OTOGL: variants seen among roughly 807,000 people sequenced by gnomAD.
OTOGL encodes the protein otogelin-like protein.
In OTOGL, 285 loss-of-function variants were observed where a neutral mutation model predicts 318.5. That is an observed-to-expected ratio of 0.89 (90% CI 0.81 to 0.99). The LOEUF is 0.99. Among genes scored for constraint, OTOGL ranks in the 50% least tolerant of loss-of-function variants. The pLI is 0.00. For missense variants in OTOGL, 2,899 were observed against 2,845.6 expected (o/e 1.02, Z -0.43); for synonymous variants, 987 against 936.5 (o/e 1.05, Z -0.99).
At chr12:80,130,245 C>T (rs886730243) in intron 1 of OTOGL, among the ~76,000 whole-genome samples, 1 of 152,186 alleles carries the variant, frequency 6.6e-6, no homozygotes. Flanking sequence ...GTTGGGAATG[C>T]ATCTCTTCTG....
chr12:80,229,261 A>G lies in OTOGL; in HGVS notation c.494A>G (p.His165Arg). Reference protein sequence around the residue: ...DLEPRYTVWVHNSPKCLGSVY... With the variant: ...DLEPRYTVWVRNSPKCLGSVY... The stretch of plus-strand genomic sequence containing the variant: ...TTTTGTTTTTCTCCCTTTAAGGTTC[A>G]TAACAGCCCTAAATGCCTTGGTTCG... The change falls in exon 8 of 59, where the codon CAT becomes CGT. Residue 165 changes from histidine to arginine, a missense_variant. His to Arg is a conservative substitution (Grantham distance 29, BLOSUM62 0). This residue lies in a region of OTOGL where 2,607 missense variants were observed against 2,524.9 expected (regional missense o/e 1.03). Coordinates refer to ENST00000547103, the MANE Select transcript of OTOGL (RefSeq NM_001378609.3). 4 of 1,597,732 alleles carry G rather than the reference A, an allele frequency of 2.5e-6. No homozygotes were observed. Among genetic ancestry groups the G allele is most frequent in the East Asian group, 2.2e-5 (1 of 44,854 alleles).
chr12:80,205,049 C>T (rs1876718333), intron 1 of OTOGL, among the ~76,000 whole-genome samples: 4 of 152,142 alleles, frequency 2.6e-5, no homozygotes, highest in Admixed American at 2.0e-4. Flanking sequence ...AGATTAGAAC[C>T]ACCCCTACTG....
At chr12:80,313,387 C>A in intron 30 of OTOGL, 89 bp from the exon 31 acceptor site, 1 of 1,317,552 alleles carries the variant, frequency 7.6e-7, no homozygotes, top group Non-Finnish European at 1.1e-6. Flanking sequence ...TAATATCAAA[C>A]TTTGAAAACA....
intron 4 of OTOGL, among the ~76,000 whole-genome samples, chr12:80,214,765 A>C (rs1466885438): frequency 6.6e-6 from 1 of 152,216 alleles, no homozygotes; most frequent in Non-Finnish European, 1.5e-5. Flanking sequence ...AGGTAGGCTT[A>C]TGAAGAAGTC....
intron 1 of OTOGL, among the ~76,000 whole-genome samples, chr12:80,127,994 T>A (rs1352842284): frequency 1.3e-5 from 2 of 152,192 alleles, no homozygotes; most frequent in Non-Finnish European, 2.9e-5. Context: ...AACTTCCTCC[T>A]TTAGCTTGGA....
chr12:80,161,782 G>T (rs529007207), intron 1 of OTOGL, among the ~76,000 whole-genome samples: 1 of 152,208 alleles, frequency 6.6e-6, no homozygotes, highest in African/African-American at 2.4e-5. Context: ...ATCTGGAAAT[G>T]ATGGAATGTT....
intron 1 of OTOGL, among the ~76,000 whole-genome samples, chr12:80,143,978 C>T (rs1230558133): frequency 6.6e-6 from 1 of 151,520 alleles, no homozygotes. Flanking sequence ...CTTATTTGGC[C>T]AGAGAGATAT....
chr12:80,363,286 G>C (rs1890340143), intron 52 of OTOGL, among the ~76,000 whole-genome samples: 1 of 152,148 alleles, frequency 6.6e-6, no homozygotes, highest in Non-Finnish European at 1.5e-5. Context: ...AATTTTATAT[G>C]ATAGGAGATG....
At chr12:80,281,174 G>T (rs1884207643) in intron 26 of OTOGL, among the ~76,000 whole-genome samples, 1 of 151,500 alleles carries the variant, frequency 6.6e-6, no homozygotes, top group Admixed American at 6.6e-5. Flanking sequence ...TTCCTATTTG[G>T]ATGCCTTTTA....
At chr12:80,236,070 A>G (rs1240318362) in intron 9 of OTOGL, among the ~76,000 whole-genome samples, 1 of 152,170 alleles carries the variant, frequency 6.6e-6, no homozygotes, top group Non-Finnish European at 1.5e-5. Flanking sequence ...TAGTTTCTTA[A>G]TGGTGATTAA....
rs1290823866 is a variant in OTOGL, at chr12:80,367,720, G to C, written c.6491G>C (p.Cys2164Ser). The change falls in exon 54 of 59, where the codon TGT becomes TCT. Residue 2164 changes from cysteine (C) to serine (S), a missense_variant. Physicochemically the swap from Cys to Ser is moderately radical, Grantham distance 112. Coordinates refer to ENST00000547103, the MANE Select transcript of OTOGL (RefSeq NM_001378609.3). ...ACTCTGAATTTTACACTGGTGAATTGTTCAAAAAAATGTGATGTTGTAAGT... is the reference window on the plus strand; with the variant it reads ...ACTCTGAATTTTACACTGGTGAATTCTTCAAAAAAATGTGATGTTGTAAGT... ...FHTLNFTLVN[C>S]SKKCDVHQVY... is the part of the protein sequence containing the mutation. 1.4e-6 allele frequency: 2 copies of C among 1,422,206 alleles called. No individual in the cohort carries two copies. 88.1% of individuals were successfully genotyped at this position (1,422,206 alleles called of 1,614,324 possible).
chr12:80,225,830 T>A (rs535067057), intron 7 of OTOGL, among the ~76,000 whole-genome samples: 1 of 152,168 alleles, frequency 6.6e-6, no homozygotes, highest in Non-Finnish European at 1.5e-5. Flanking sequence ...TCAAAGGATA[T>A]GTTGATAAAC....
chr12:80,374,485 A>G (rs1367380096), intron 57 of OTOGL, among the ~76,000 whole-genome samples: 1 of 152,218 alleles, frequency 6.6e-6, no homozygotes, highest in Admixed American at 6.5e-5. Flanking sequence ...CTTTAATTAG[A>G]TACACACTGA....
intron 26 of OTOGL, among the ~76,000 whole-genome samples, chr12:80,287,140 T>G (rs1884693452): frequency 6.6e-6 from 1 of 151,036 alleles, no homozygotes; most frequent in African/African-American, 2.5e-5. Context: ...ATTTCTGTCT[T>G]AATTTAGTTA....
At position 80,377,897 on chromosome 12, in the gene OTOGL, A is replaced by G. The variant is rs772165865; in HGVS notation, c.6911A>G (p.Asn2304Ser). The change falls in exon 59 of 59, where the codon AAC (asparagine) becomes AGC (serine). Residue 2304 changes from asparagine to serine, a missense_variant. Around this residue, in one of 3 missense-constraint regions of OTOGL, gnomAD observed 289 missense variants for 304.6 expected, o/e 0.95. Coordinates refer to ENST00000547103, the MANE Select transcript of OTOGL (RefSeq NM_001378609.3). ...AAATGCCCATCAGCTACCATATATA[A>G]CATCAATATTGAAAGTCACCTAAGA... ...DGKCPSATIY[N>S]INIESHLRFC... is the part of the protein sequence containing the mutation. 1 of 1,611,844 alleles carries G rather than the reference A, an allele frequency of 6.2e-7. No individual in the cohort carries two copies. Among genetic ancestry groups the G allele is most frequent in the Non-Finnish European group, 8.5e-7 (1 of 1,178,656 alleles).
At position 80,367,560 on chromosome 12, in the gene OTOGL, GA is replaced by G. The variant is rs760481242; in HGVS notation, c.6335del (p.Lys2112ArgfsTer13). ...SDCGCIQYLC[E>X]KDDVCVFQEV... is the part of the protein sequence containing the mutation. Reference sequence around the variant, plus strand: ...TTATTGACTATGTTTTCTGTTCTTAGAAAAGGATGATGTGTGTGTATTTCAA... The same window carrying G: ...TTATTGACTATGTTTTCTGTTCTTAGAAAGGATGATGTGTGTGTATTTCAA... On this transcript the variant is annotated frameshift_variant and splice_region_variant, in exon 54 of 59. Transcript: ENST00000547103. LOFTEE classifies it high-confidence loss of function. 2 of 1,505,214 alleles carry G rather than the reference GA, an allele frequency of 1.3e-6. No individual in the cohort carries two copies. Among genetic ancestry groups the G allele is most frequent in the Non-Finnish European group, 9.0e-7 (1 of 1,112,672 alleles). 93.2% of individuals were successfully genotyped at this position (1,505,214 alleles called of 1,614,324 possible). A position where few individuals can be genotyped will look rare whatever the true frequency, so the allele number is the denominator to read the frequency against.
chr12:80,336,514 G>T lies in OTOGL; in HGVS notation c.4702G>T (p.Glu1568Ter). The change falls in exon 40 of 59, where the codon GAA (glutamate) becomes TAA (stop). Residue 1568 changes from glutamate (E) to a stop codon, truncating the protein, a stop_gained. Coordinates refer to ENST00000547103, the MANE Select transcript of OTOGL (RefSeq NM_001378609.3). LOFTEE classifies it high-confidence loss of function. ...TTATATCTTAGTAAGAATTCCTGGT[G>T]AAATTATAGTTGCTCATATCGAAAA... ...ASYILVRIPG[E>*]IIVAHIEKCS... The T allele has an allele frequency of 6.2e-7, 1 of 1,610,232 alleles. No homozygotes were observed. The highest frequency in any genetic ancestry group is 1.7e-5 in the Admixed American group (1 of 59,740).
chr12:80,130,356 A>T (rs752709452), intron 1 of OTOGL, among the ~76,000 whole-genome samples: 11 of 152,248 alleles, frequency 7.2e-5, no homozygotes, highest in Non-Finnish European at 1.6e-4. Flanking sequence ...AGGCCAATTT[A>T]GTCTGAAATG....
intron 52 of OTOGL, among the ~76,000 whole-genome samples, chr12:80,364,421 T>C (rs1890408470): frequency 6.6e-6 from 1 of 152,164 alleles, no homozygotes; most frequent in African/African-American, 2.4e-5. Flanking sequence ...TGAATTAAAT[T>C]CACATAACAT....
Sources: gnomAD v4.1 joint callset for allele counts (sites outside exome capture counted in the v4.1 genomes callset) on GRCh38, gnomAD v4.1.1 for gene constraint, gnomAD v4.1.1 regional missense constraint, MANE v1.5 for transcripts, NCBI Gene and HGNC (gene_info 2026-07-23, HGNC 2026-07-21) for gene names.